Variants in PLEKHH2 observed in about 807,000 individuals in gnomAD.
PLEKHH2 encodes the protein pleckstrin homology domain-containing family H member 2.
In PLEKHH2, 129 loss-of-function variants were observed where a neutral mutation model predicts 187.9. The observed-to-expected ratio is 0.69, with a 90% CI of 0.59 to 0.79. The LOEUF is 0.79. Ranked by LOEUF, PLEKHH2 falls within the 30% of genes least tolerant of loss-of-function variation. PLEKHH2 has a pLI of 0.00. For missense variants in PLEKHH2, 2,076 were observed against 1,751.2 expected (o/e 1.19, Z -3.31); for synonymous variants, 686 against 605.6 (o/e 1.13, Z -1.95).
At chr2:43,742,450 T>C (rs1361239050) in intron 21 of PLEKHH2, among the ~76,000 whole-genome samples, 1 of 152,216 alleles carries the variant, frequency 6.6e-6, no homozygotes, top group Non-Finnish European at 1.5e-5. Flanking sequence ...TAATATTAAA[T>C]CACTGTATAT....
chr2:43,700,320 C>A lies in PLEKHH2; in HGVS notation c.1362C>A (p.Ala454=), dbSNP rs12623703. ...TTTTCAGTATAAGTGTAGCACTAGCCAAAAGGCACTTAAGCCAGCCACAGT... is the reference window on the plus strand; with the variant it reads ...TTTTCAGTATAAGTGTAGCACTAGCAAAAAGGCACTTAAGCCAGCCACAGT... ...PNVFSISVAL[A]KRHLSQPQLS... Residue 454 remains alanine (A), a synonymous_variant, in exon 8 of 30, where the codon GCC becomes GCA. Coordinates refer to ENST00000282406, the MANE Select transcript of PLEKHH2 (RefSeq NM_172069.4). 6 of 1,613,846 alleles carry A rather than the reference C, an allele frequency of 3.7e-6. No individual in the cohort carries two copies. The African/African-American group carries it at 6.7e-5, about 18-fold the overall frequency.
chr2:43,691,818 A>G (rs186547549), intron 3 of PLEKHH2, among the ~76,000 whole-genome samples: 246 of 152,276 alleles, frequency 1.6e-3, no homozygotes, highest in Non-Finnish European at 3.1e-3. Context: ...CCACTGTGCC[A>G]GGCCTAGAAT....
chr2:43,748,173 T>C (rs7584525), intron 24 of PLEKHH2, among the ~76,000 whole-genome samples: 6,214 of 152,320 alleles, frequency 0.041, 241 homozygotes, highest in African/African-American at 0.097. Context: ...TTGTGAACAC[T>C]GGAGCTTCTT....
intron 23 of PLEKHH2, 145 bp downstream of exon 23, chr2:43,744,134 AT>A (rs1671682067): frequency 7.1e-7 from 1 of 1,408,008 alleles, no homozygotes; most frequent in African/African-American, 1.4e-5. Context: ...GAAAAAAAAA[AT>A]GCAGGACTTT....
At chr2:43,730,452 G>T (rs1670982623) in intron 18 of PLEKHH2, among the ~76,000 whole-genome samples, 1 of 152,194 alleles carries the variant, frequency 6.6e-6, no homozygotes, top group Admixed American at 6.5e-5. Context: ...AGGCTGGAGT[G>T]CAGTGGCATG....
At chr2:43,737,179 G>A (rs1314198010) in intron 19 of PLEKHH2, among the ~76,000 whole-genome samples, 1 of 152,152 alleles carries the variant, frequency 6.6e-6, no homozygotes, top group Non-Finnish European at 1.5e-5. Context: ...CCATTTCCAA[G>A]TAATTTAACT....
intron 2 of PLEKHH2, among the ~76,000 whole-genome samples, chr2:43,655,613 T>G (rs1666714505): frequency 6.6e-6 from 1 of 152,180 alleles, no homozygotes; most frequent in Admixed American, 6.5e-5. Context: ...CCAGAAAGAC[T>G]TCAGATGTCC....
chr2:43,707,724 T>C (rs1481403654), intron 11 of PLEKHH2, among the ~76,000 whole-genome samples, 179 bp downstream of exon 11: 1 of 149,988 alleles, frequency 6.7e-6, no homozygotes, highest in Non-Finnish European at 1.5e-5. Flanking sequence ...TAATTCTCTG[T>C]GATTTCAGAC....
intron 27 of PLEKHH2, among the ~76,000 whole-genome samples, chr2:43,761,070 C>T (rs1558634762): frequency 6.6e-6 from 1 of 152,172 alleles, no homozygotes; most frequent in East Asian, 1.9e-4. Flanking sequence ...TGAAGGGCAT[C>T]CTTTTGAATT....
intron 28 of PLEKHH2, among the ~76,000 whole-genome samples, chr2:43,762,981 T>A (rs17031417): frequency 0.013 from 2,043 of 152,280 alleles, 49 homozygotes; most frequent in African/African-American, 0.046. Flanking sequence ...TAAATTCACC[T>A]GGCAGGTCTA....
chr2:43,678,466 A>G (rs1040883835), intron 2 of PLEKHH2, among the ~76,000 whole-genome samples: 25 of 152,326 alleles, frequency 1.6e-4, no homozygotes, highest in Non-Finnish European at 1.8e-4. Flanking sequence ...CCGGCACCTC[A>G]GGAGGCCGAG....
intron 1 of PLEKHH2, among the ~76,000 whole-genome samples, chr2:43,640,066 G>C (rs1703302550): frequency 6.6e-6 from 1 of 152,044 alleles, no homozygotes; most frequent in South Asian, 2.1e-4. Context: ...TTTTGGTGTG[G>C]ATGTGTATTT....
At chr2:43,676,873 G>A (rs1269162692) in intron 2 of PLEKHH2, among the ~76,000 whole-genome samples, 1 of 152,108 alleles carries the variant, frequency 6.6e-6, no homozygotes, top group Admixed American at 6.5e-5. Flanking sequence ...TAGCACCCAC[G>A]GAGTTCATGA....
intron 1 of PLEKHH2, among the ~76,000 whole-genome samples, chr2:43,642,432 T>C (rs995973265): frequency 6.6e-6 from 1 of 152,160 alleles, no homozygotes; most frequent in African/African-American, 2.4e-5. Flanking sequence ...TTTTATTTCT[T>C]CCTGTCCAAT....
At chr2:43,643,040 C>T (rs1015003348) in intron 1 of PLEKHH2, among the ~76,000 whole-genome samples, 1 of 152,006 alleles carries the variant, frequency 6.6e-6, no homozygotes, top group African/African-American at 2.4e-5. Context: ...TTTCCCTGTT[C>T]GCTCTAAAGC....
intron 10 of PLEKHH2, among the ~76,000 whole-genome samples, chr2:43,707,191 C>A (rs1247605639): frequency 9.1e-5 from 7 of 77,150 alleles, no homozygotes; most frequent in African/African-American, 4.7e-4. Context: ...AGCAAGACTC[C>A]ACCTCAAAAA....
chr2:43,644,748 G>A lies in PLEKHH2; in HGVS notation c.75G>A (p.Met25Ile). The change falls in exon 2 of 30, where the codon ATG becomes ATA. Residue 25 changes from methionine (M) to isoleucine (I), a missense_variant. Physicochemically the swap from Met to Ile is conservative, Grantham distance 10. Transcript: ENST00000282406. ...ERCVALESQLMKFRVQASKIR... is the reference protein window; with the variant it reads ...ERCVALESQLIKFRVQASKIR... Reference sequence around the variant, plus strand: ...GTGTAGCTCTGGAGTCCCAACTCATGAAATTTAGAGTTCAAGCAAGCAAGA... The same window carrying A: ...GTGTAGCTCTGGAGTCCCAACTCATAAAATTTAGAGTTCAAGCAAGCAAGA... 6.2e-7 allele frequency: 1 copy of A among 1,610,194 alleles called. No homozygotes were observed. Among genetic ancestry groups the A allele is most frequent in the Non-Finnish European group, 8.5e-7 (1 of 1,177,340 alleles).
intron 3 of PLEKHH2, among the ~76,000 whole-genome samples, 158 bp downstream of exon 3, chr2:43,679,083 T>C (rs1668028280): frequency 6.6e-6 from 1 of 152,170 alleles, no homozygotes; most frequent in African/African-American, 2.4e-5. Flanking sequence ...TCTAACTCTA[T>C]TTTGTCCATT....
chr2:43,714,429 A>G, intron 15 of PLEKHH2, among the ~76,000 whole-genome samples: 1 of 152,210 alleles, frequency 6.6e-6, no homozygotes, highest in Non-Finnish European at 1.5e-5. Context: ...TTTCACCCTT[A>G]GAACCTTATG....
Sources: allele counts gnomAD v4.1 joint callset (sites outside exome capture counted in the v4.1 genomes callset), GRCh38; gene constraint gnomAD v4.1.1; transcripts MANE v1.5; gene names NCBI Gene and HGNC (gene_info 2026-07-23, HGNC 2026-07-21).